The following PRKX variants were observed in gnomAD, a reference collection of about 807,000 sequenced individuals.
PRKX encodes the protein cAMP-dependent protein kinase catalytic subunit PRKX.
A neutral mutation model predicts 22.0 loss-of-function variants in PRKX; 12 were observed. That is an observed-to-expected ratio of 0.54 (90% CI 0.35 to 0.88). PRKX has a LOEUF of 0.88. Among genes scored for constraint, PRKX ranks in the 40% least tolerant of loss-of-function variants. The pLI, the probability that PRKX is intolerant of heterozygous loss-of-function variation, is 0.01. For synonymous variants in PRKX, 134 were observed against 137.7 expected (o/e 0.97, Z 0.19); for missense variants, 217 against 308.0 (o/e 0.70, Z 2.21).
At chrX:3,639,094 G>C (rs1926966319) in intron 4 of PRKX, among the ~76,000 whole-genome samples, 1 of 23,976 alleles carries the variant, frequency 4.2e-5, no homozygotes, top group South Asian at 1.7e-3. Flanking sequence ...GAGATAGACA[G>C]GGATAGGTGT....
intron 8 of PRKX, among the ~76,000 whole-genome samples, chrX:3,609,523 C>T (rs1287119749): frequency 3.6e-5 from 4 of 111,371 alleles, no homozygotes; most frequent in South Asian, 3.8e-4. Context: ...GGCACAATCA[C>T]GGCTCACTGC....
At chrX:3,679,170 T>C (rs1000424077) in intron 1 of PRKX, among the ~76,000 whole-genome samples, 2 of 111,967 alleles carry the variant, frequency 1.8e-5, no homozygotes, top group African/African-American at 6.5e-5. Context: ...GCCCAAGTAG[T>C]AAACAGTTTC....
intron 2 of PRKX, among the ~76,000 whole-genome samples, chrX:3,673,835 G>A (rs1216218343): frequency 9.0e-6 from 1 of 110,807 alleles, no homozygotes; most frequent in East Asian, 2.8e-4. Context: ...AGGTCATGAG[G>A]GTGAAGTCTC....
chrX:3,615,146 G>A (rs757832076), intron 7 of PRKX, among the ~76,000 whole-genome samples: 188 of 104,832 alleles, frequency 1.8e-3, no homozygotes, highest in African/African-American at 6.5e-3. Flanking sequence ...AGCCTCCCAA[G>A]TAGCTGGTAC....
intron 1 of PRKX, among the ~76,000 whole-genome samples, chrX:3,701,257 C>T (rs888108703): frequency 9.1e-6 from 1 of 109,783 alleles, no homozygotes; most frequent in African/African-American, 3.4e-5. Flanking sequence ...TATAGGTATG[C>T]GCCACCACAC....
chrX:3,691,581 C>T (rs374607154), intron 1 of PRKX, among the ~76,000 whole-genome samples: 8 of 111,072 alleles, frequency 7.2e-5, no homozygotes, highest in African/African-American at 2.6e-4. Flanking sequence ...GCTTCTCAAA[C>T]TGAGTCCATT....
chrX:3,629,025 G>C (rs1228648030), intron 4 of PRKX, among the ~76,000 whole-genome samples: 1 of 112,032 alleles, frequency 8.9e-6, no homozygotes, highest in Non-Finnish European at 1.9e-5. Flanking sequence ...GGGTGACAGA[G>C]AGAGATGGAG....
intron 3 of PRKX, among the ~76,000 whole-genome samples, chrX:3,644,739 C>A (rs1456321961): frequency 8.9e-6 from 1 of 111,925 alleles, no homozygotes; most frequent in East Asian, 2.8e-4. Context: ...GCAAGACGAG[C>A]GACTTACTGG....
chrX:3,610,403 AC>A (rs1472410204), intron 8 of PRKX, among the ~76,000 whole-genome samples: 1 of 109,218 alleles, frequency 9.2e-6, no homozygotes, highest in African/African-American at 3.3e-5. Context: ...AATCACTTGA[AC>A]CCAGGAGGCG....
intron 3 of PRKX, among the ~76,000 whole-genome samples, chrX:3,650,275 A>ATG (rs1268439762): frequency 4.7e-4 from 46 of 97,563 alleles, no homozygotes; most frequent in Middle Eastern, 0.017. Context: ...TAATCCCAGC[A>ATG]CTCTGGGAGG....
chrX:3,607,198 A>C lies in PRKX; in HGVS notation c.*1771T>G, dbSNP rs1926193556. ...TTTATTTTTATAGTCAGCAAACATG[A>C]GACTTAAAAGCTTTTCCTTCTAGCT... On this transcript the variant is annotated 3_prime_UTR_variant, in exon 9 of 9. Coordinates refer to ENST00000262848, the MANE Select transcript of PRKX (RefSeq NM_005044.5). The C allele has an allele frequency of 8.9e-6, 1 of 112,169 alleles. No homozygotes were observed. Among genetic ancestry groups the C allele is most frequent in the African/African-American group, 3.2e-5 (1 of 30,869 alleles). The allele number at this position is 112,169 out of a possible 1,213,427, so 9.2% of individuals were successfully genotyped here. A position where few individuals can be genotyped will look rare whatever the true frequency, so the allele number is the denominator to read the frequency against.
At chrX:3,697,660 T>G (rs1928471579) in intron 1 of PRKX, among the ~76,000 whole-genome samples, 1 of 110,446 alleles carries the variant, frequency 9.1e-6, no homozygotes, top group Admixed American at 9.7e-5. Flanking sequence ...TCGTCCTGCG[T>G]CAGCCTCCTG....
At chrX:3,619,434 C>G (rs1231468886) in intron 6 of PRKX, among the ~76,000 whole-genome samples, 1 of 112,072 alleles carries the variant, frequency 8.9e-6, no homozygotes, top group Non-Finnish European at 1.9e-5. Flanking sequence ...GGGAATGGAA[C>G]CCTACATGCA....
rs1926125073 is a variant in PRKX, at chrX:3,604,761, A to T, written c.*4208T>A. 8.9e-6 allele frequency: 1 copy of T among 112,124 alleles called. No individual in the cohort carries two copies. Among genetic ancestry groups the T allele is most frequent in the South Asian group, 3.7e-4 (1 of 2,690 alleles). The allele number at this position is 112,124 out of a possible 1,213,427, so 9.2% of individuals were successfully genotyped here. ...CCATCTCAGAGCACAAGGACTGTGG[A>T]AAGGCTTCAAGTCTCATCTGCTAAA... On this transcript the variant is annotated 3_prime_UTR_variant, in exon 9 of 9. Coordinates refer to ENST00000262848, the MANE Select transcript of PRKX (RefSeq NM_005044.5).
chrX:3,676,969 C>A (rs190317083), intron 1 of PRKX, among the ~76,000 whole-genome samples: 83 of 112,216 alleles, frequency 7.4e-4, no homozygotes, highest in African/African-American at 2.6e-3. Flanking sequence ...CCATGTGGAA[C>A]TGTGAGTCCA....
At position 3,612,292 on chromosome X, in the gene PRKX, C is replaced by T. The variant is rs141993152; in HGVS notation, c.985G>A (p.Asp329Asn). ...PIVPKIAGDGDTSNFETYPEN... is the reference protein window; with the variant it reads ...PIVPKIAGDGNTSNFETYPEN... ...GGGTAAGTTTCGAAGTTGGAAGTGT[C>T]GCCGTCACCAGCTATCTTGGGCACG... The change falls in exon 8 of 9, where the codon GAC (aspartate) becomes AAC (asparagine). Residue 329 changes from aspartate (D) to asparagine (N), a missense_variant. Asp to Asn is a conservative substitution (Grantham distance 23). Coordinates refer to ENST00000262848, the MANE Select transcript of PRKX (RefSeq NM_005044.5). 8.3e-7 allele frequency: 1 copy of T among 1,210,459 alleles called. No individual in the cohort carries two copies. The highest frequency in any genetic ancestry group is 1.1e-6 in the Non-Finnish European group (1 of 895,090).
intron 6 of PRKX, among the ~76,000 whole-genome samples, 194 bp downstream of exon 6, chrX:3,621,065 C>A (rs984869237): frequency 5.4e-5 from 6 of 110,929 alleles, no homozygotes; most frequent in Admixed American, 3.8e-4. Flanking sequence ...GCCCAGAAAC[C>A]GAGATTTGAT....
chrX:3,646,785 A>C (rs1480653621), intron 3 of PRKX, among the ~76,000 whole-genome samples: 1 of 110,600 alleles, frequency 9.0e-6, no homozygotes, highest in East Asian at 2.8e-4. Context: ...TGAAGGGAGA[A>C]GGTGTGTGTT....
At chrX:3,671,140 G>A (rs1485410232) in intron 2 of PRKX, among the ~76,000 whole-genome samples, 6 of 111,828 alleles carry the variant, frequency 5.4e-5, no homozygotes, top group African/African-American at 2.0e-4. Flanking sequence ...AGGCTCAAGA[G>A]ATTCTAGTGC....
Sources: gnomAD v4.1 joint callset for allele counts (sites outside exome capture counted in the v4.1 genomes callset) on GRCh38, gnomAD v4.1.1 for gene constraint, MANE v1.5 for transcripts, NCBI Gene and HGNC (gene_info 2026-07-23, HGNC 2026-07-21) for gene names.